PTPN3: variants seen among roughly 807,000 people sequenced by gnomAD.
PTPN3 encodes tyrosine-protein phosphatase non-receptor type 3.
PTPN3 carries 96 observed loss-of-function variants against 132.7 expected under a neutral mutation model. The ratio of observed to expected loss-of-function variants is 0.72; its 90% CI spans 0.61 to 0.86. The LOEUF (loss-of-function observed/expected upper bound fraction) is 0.86, where lower values mean the gene tolerates loss of function less well. Ranked by LOEUF, PTPN3 falls within the 40% of genes least tolerant of loss-of-function variation. PTPN3 has a pLI of 0.00. For missense variants in PTPN3, 1,125 were observed against 1,159.6 expected (o/e 0.97, Z 0.43); for synonymous variants, 398 against 429.0 (o/e 0.93, Z 0.89).
intron 19 of PTPN3, among the ~76,000 whole-genome samples, chr9:109,393,334 C>G (rs1054471181): frequency 3.4e-5 from 5 of 148,124 alleles, no homozygotes; most frequent in African/African-American, 1.2e-4. Flanking sequence ...ACTCAAACTT[C>G]TAAGAAGAGA....
At chr9:109,504,235 G>C in the PTPN3 span, among the ~76,000 whole-genome samples, 1 of 152,154 alleles carries the variant, frequency 6.6e-6, no homozygotes, top group East Asian at 1.9e-4. Flanking sequence ...TGGTGAGCAA[G>C]GGAGAAAGCT....
At chr9:109,500,054 T>G (rs989363871), upstream of PTPN3, among the ~76,000 whole-genome samples, 2 of 152,250 alleles carry the variant, frequency 1.3e-5, no homozygotes, top group African/African-American at 2.4e-5. Flanking sequence ...GCAGGAGGCA[T>G]TCTCTGTCCT....
intron 16 of PTPN3, among the ~76,000 whole-genome samples, chr9:109,408,796 AATATAT>A (rs1219154297): frequency 0.022 from 2,376 of 108,348 alleles, 66 homozygotes; most frequent in African/African-American, 0.054. Context: ...AAAAAAAAAA[AATATAT>A]ATATATATAT....
At chr9:109,409,386 T>C (rs534255149) in intron 16 of PTPN3, among the ~76,000 whole-genome samples, 1 of 152,276 alleles carries the variant, frequency 6.6e-6, no homozygotes, top group African/African-American at 2.4e-5. Context: ...AACCTCAGTA[T>C]TCATTTGCAA....
intron 1 of PTPN3, among the ~76,000 whole-genome samples, chr9:109,473,337 G>C (rs1157193163): frequency 6.6e-6 from 1 of 152,182 alleles, no homozygotes; most frequent in Non-Finnish European, 1.5e-5. Flanking sequence ...TTCAAACTGA[G>C]ATCTGTAATT....
chr9:109,436,331 A>G (rs1427807664), intron 9 of PTPN3, among the ~76,000 whole-genome samples: 1 of 152,258 alleles, frequency 6.6e-6, no homozygotes, highest in African/African-American at 2.4e-5. Context: ...TAATGATAAC[A>G]TATGGAACTC....
At chr9:109,423,146 C>G (rs988776694) in intron 12 of PTPN3, among the ~76,000 whole-genome samples, 1 of 152,218 alleles carries the variant, frequency 6.6e-6, no homozygotes, top group Non-Finnish European at 1.5e-5. Flanking sequence ...CAGGATCACA[C>G]AGAAATACAG....
chr9:109,456,979 G>A lies in PTPN3; in HGVS notation c.289+194C>T, dbSNP rs533071262. On this transcript the variant is annotated intron_variant, in intron 4 of 25. Transcript: ENST00000374541. ...TCCCCTTCTTTCCCACAGCTGGGGC[G>A]GATCCTAGAGGGCTGATCTGGAAGC... Among the ~76,000 whole-genome samples, 335 of 152,144 alleles carry A rather than the reference G, an allele frequency of 2.2e-3. 1 individual carries two copies. Among genetic ancestry groups the A allele is most frequent in the Middle Eastern group, 0.017 (5 of 294 alleles).
chr9:109,537,232 TAAACAA>T, the PTPN3 span, among the ~76,000 whole-genome samples: 3 of 152,094 alleles, frequency 2.0e-5, no homozygotes, highest in Non-Finnish European at 4.4e-5. Context: ...CATAGCAACT[TAAACAA>T]GAAAAAAACC....
chr9:109,417,601 G>C, intron 14 of PTPN3: 1 of 984,876 alleles, frequency 1.0e-6, no homozygotes, highest in Non-Finnish European at 1.2e-6. Flanking sequence ...GGAGCAATGG[G>C]GGTTCCCAGA....
intron 2 of PTPN3, among the ~76,000 whole-genome samples, chr9:109,462,872 G>C (rs1301211786): frequency 6.6e-6 from 1 of 151,872 alleles, no homozygotes; most frequent in Non-Finnish European, 1.5e-5. Context: ...CTGTTTTCAA[G>C]GAGCTCAGTT....
At chr9:109,383,230 C>T in intron 23 of PTPN3, 193 bp downstream of exon 23, 3 of 872,796 alleles carry the variant, frequency 3.4e-6, no homozygotes, top group Non-Finnish European at 5.4e-6. Flanking sequence ...GGGCTGTTTG[C>T]ACCTCGTGCC....
intron 13 of PTPN3, among the ~76,000 whole-genome samples, chr9:109,421,688 A>T (rs1156445344): frequency 6.6e-6 from 1 of 152,270 alleles, no homozygotes; most frequent in Non-Finnish European, 1.5e-5. Context: ...TAAATGTTGG[A>T]AACCAAGAAG....
At chr9:109,406,311 A>C (rs1841559373) in intron 18 of PTPN3, 151 bp downstream of exon 18, 1 of 1,084,660 alleles carries the variant, frequency 9.2e-7, no homozygotes, top group African/African-American at 1.6e-5. Context: ...TTTTCAAGTG[A>C]GAAGCCAAAC....
the PTPN3 span, chr9:109,533,016 C>T: frequency 1.0e-5 from 4 of 399,766 alleles, no homozygotes; most frequent in African/African-American, 2.3e-5. Context: ...AGTGCAATGG[C>T]GCGATCTCGG....
chr9:109,418,742 C>T (rs1240043915), intron 14 of PTPN3, among the ~76,000 whole-genome samples: 2 of 152,078 alleles, frequency 1.3e-5, no homozygotes, highest in Non-Finnish European at 2.9e-5. Flanking sequence ...GAACTGAATG[C>T]CTACATTTTT....
chr9:109,522,316 G>C, the PTPN3 span, among the ~76,000 whole-genome samples: 3 of 152,118 alleles, frequency 2.0e-5, no homozygotes, highest in Admixed American at 1.3e-4. Context: ...CAAAAGTGTG[G>C]GCCCCTCACC....
chr9:109,527,589 G>C, the PTPN3 span, among the ~76,000 whole-genome samples: 1 of 152,202 alleles, frequency 6.6e-6, no homozygotes, highest in Non-Finnish European at 1.5e-5. Context: ...GTAGTTTATT[G>C]TGTATTTTTC....
In PTPN3 at chr9:109,486,904, G is replaced by A. The variant is rs538002588; in HGVS notation, c.-18+11315C>T. On this transcript the variant is annotated intron_variant, in intron 1 of 25. Transcript: ENST00000374541. The stretch of plus-strand genomic sequence containing the variant: ...CTTTTGCTCTGCACTTCTCCTTGCT[G>A]CTGCTGTGTGAAGGAGGTTGTGTTT... 1.3e-4 allele frequency among the ~76,000 whole-genome samples: 20 copies of A among 152,306 alleles called. No individual in the cohort carries two copies. In the South Asian group the frequency reaches 4.2e-3, roughly 32 times the overall value.
Sources: gnomAD v4.1 joint callset for allele counts (sites outside exome capture counted in the v4.1 genomes callset) on GRCh38, gnomAD v4.1.1 for gene constraint, MANE v1.5 for transcripts, NCBI Gene and HGNC (gene_info 2026-07-23, HGNC 2026-07-21) for gene names.